TPRG1: variants seen among roughly 807,000 people sequenced by gnomAD.
TPRG1 encodes tumor protein p63 regulated 1.
Under a neutral mutation model 29.3 loss-of-function variants are expected in TPRG1, and 29 were observed. That is an observed-to-expected ratio of 0.99 (90% CI 0.74 to 1.35). TPRG1 has a LOEUF of 1.35. Ranked by LOEUF, TPRG1 falls within the 40% of genes most tolerant of loss-of-function variation. The pLI is 0.00. For missense variants in TPRG1, 327 were observed against 335.0 expected, an observed-to-expected ratio of 0.98 and a Z score of 0.19; for synonymous variants, 130 against 116.8, an observed-to-expected ratio of 1.11 and a Z score of -0.73.
intron 1 of TPRG1, among the ~76,000 whole-genome samples, chr3:189,185,809 T>G (rs930327838): frequency 6.6e-6 from 1 of 152,192 alleles, no homozygotes; most frequent in Non-Finnish European, 1.5e-5. Context: ...CTAACATTTT[T>G]CTTTGCTTAT....
intron 3 of TPRG1, among the ~76,000 whole-genome samples, chr3:189,234,979 C>A (rs1739230061): frequency 6.6e-6 from 1 of 152,040 alleles, no homozygotes; most frequent in Non-Finnish European, 1.5e-5. Context: ...ACATTGCCAG[C>A]AGAGGGAACA....
rs1379230535 is a variant in TPRG1, at chr3:189,321,676, A to C, written c.*856A>C. 1.3e-5 allele frequency: 2 copies of C among 152,082 alleles called. No homozygotes were observed. Among genetic ancestry groups the C allele is most frequent in the African/African-American group, 4.8e-5 (2 of 41,426 alleles). 9.4% of individuals were successfully genotyped at this position (152,082 alleles called of 1,614,324 possible). On this transcript the variant is annotated 3_prime_UTR_variant, in exon 6 of 6. Transcript: ENST00000345063. Reference sequence around the variant, plus strand: ...GGCTGACTGTTTCAATCTATCCTACACTTGGTTTCTAGCTCATTTACTTAT... The same window carrying C: ...GGCTGACTGTTTCAATCTATCCTACCCTTGGTTTCTAGCTCATTTACTTAT...
intron 3 of TPRG1, among the ~76,000 whole-genome samples, chr3:189,134,164 G>A (rs1723438244): frequency 6.6e-6 from 1 of 152,106 alleles, no homozygotes; most frequent in African/African-American, 2.4e-5. Flanking sequence ...CTTATCTGGT[G>A]GCTCTGTCCC....
intron 4 of TPRG1, 178 bp from the exon 5 acceptor site, chr3:189,310,208 A>G: frequency 2.3e-6 from 1 of 439,564 alleles, no homozygotes; most frequent in Non-Finnish European, 3.9e-6. Flanking sequence ...ATTCCTCCAA[A>G]CACCTTGAAT....
At chr3:189,170,978 T>C (rs1192872775), upstream of TPRG1, among the ~76,000 whole-genome samples, 1 of 152,256 alleles carries the variant, frequency 6.6e-6, no homozygotes, top group Non-Finnish European at 1.5e-5. Flanking sequence ...GTAGAGAATT[T>C]AGGATAGAAG....
chr3:189,067,258 A>G (rs1160303650), intron 4 of TPRG1, among the ~76,000 whole-genome samples: 1 of 152,164 alleles, frequency 6.6e-6, no homozygotes, highest in African/African-American at 2.4e-5. Flanking sequence ...AAAGCAATCT[A>G]TAGATTCAGT....
intron 4 of TPRG1, among the ~76,000 whole-genome samples, chr3:189,038,199 T>C (rs1406917927): frequency 6.6e-6 from 1 of 151,766 alleles, no homozygotes; most frequent in Non-Finnish European, 1.5e-5. Flanking sequence ...AGTAAAACAA[T>C]GGGATAAAGA....
intron 3 of TPRG1, among the ~76,000 whole-genome samples, chr3:189,136,923 T>C (rs1435377321): frequency 6.6e-6 from 1 of 152,172 alleles, no homozygotes; most frequent in African/African-American, 2.4e-5. Context: ...TACTGAGGGC[T>C]ACAACATACC....
At chr3:189,296,453 G>A (rs1433395758) in intron 4 of TPRG1, among the ~76,000 whole-genome samples, 2 of 152,078 alleles carry the variant, frequency 1.3e-5, no homozygotes, top group Non-Finnish European at 2.9e-5. Context: ...ATTATATAAG[G>A]ATATATATAC....
At chr3:189,015,703 C>A (rs944254661) in intron 3 of TPRG1, among the ~76,000 whole-genome samples, 1 of 152,174 alleles carries the variant, frequency 6.6e-6, no homozygotes, top group African/African-American at 2.4e-5. Context: ...CTAAAAGGGG[C>A]CAGGATACAG....
intron 4 of TPRG1, among the ~76,000 whole-genome samples, chr3:189,069,791 A>G (rs754862842): frequency 6.6e-6 from 1 of 152,204 alleles, no homozygotes; most frequent in Non-Finnish European, 1.5e-5. Flanking sequence ...CATACATACT[A>G]TGGAATACTA....
At chr3:189,145,447 AGT>A (rs1467364543) in intron 3 of TPRG1, among the ~76,000 whole-genome samples, 2 of 152,038 alleles carry the variant, frequency 1.3e-5, no homozygotes, top group Admixed American at 6.6e-5. Flanking sequence ...AAGGAGAAAG[AGT>A]TCTGGCATTG....
intron 4 of TPRG1, among the ~76,000 whole-genome samples, chr3:189,073,514 T>G (rs1482991409): frequency 6.6e-6 from 1 of 152,208 alleles, no homozygotes; most frequent in Non-Finnish European, 1.5e-5. Flanking sequence ...TTTTTCCCAT[T>G]TAGTGTGCTT....
intron 5 of TPRG1, among the ~76,000 whole-genome samples, chr3:189,317,696 T>C (rs1453912540): frequency 1.3e-5 from 2 of 152,196 alleles, no homozygotes; most frequent in Non-Finnish European, 2.9e-5. Flanking sequence ...AGGGTGATTT[T>C]TCCCATGGGG....
chr3:189,084,505 GA>G (rs1403709524), intron 4 of TPRG1, among the ~76,000 whole-genome samples: 1 of 152,200 alleles, frequency 6.6e-6, no homozygotes, highest in Non-Finnish European at 1.5e-5. Flanking sequence ...AAGAAACTGA[GA>G]AAGTCCAAGG....
intron 4 of TPRG1, among the ~76,000 whole-genome samples, chr3:189,262,061 AT>A (rs1713159122): frequency 6.6e-6 from 1 of 152,148 alleles, no homozygotes; most frequent in South Asian, 2.1e-4. Flanking sequence ...TGGTGACAAT[AT>A]AAGAGATAGT....
In TPRG1 at chr3:189,200,402, T is replaced by G. The variant is rs143103378; in HGVS notation, c.-9-6974T>G. Among the ~76,000 whole-genome samples, 199 of 152,342 alleles carry G rather than the reference T, an allele frequency of 1.3e-3. 2 individuals carry two copies. The highest frequency in any genetic ancestry group is 2.3e-3 in the Non-Finnish European group (155 of 68,036). ...TCTCACGGAGAGACTCACGGAAGCC[T>G]GCACACATAAATTCACATAAATTAC... is the stretch of plus-strand genomic sequence containing the variant. On this transcript the variant is annotated intron_variant, in intron 1 of 5. Coordinates refer to ENST00000345063, the MANE Select transcript of TPRG1 (RefSeq NM_198485.4).
At position 189,312,103 on chromosome 3, in the gene TPRG1, T is replaced by TC. The variant is rs1560688768; in HGVS notation, c.633+1564_633+1565insC. ...TATGTTTCTTTCTTTCTTTGTTTCT[T>TC]TGTTTCTTTCTTTGTTTCTTTCTTT... On this transcript the variant is annotated intron_variant, in intron 5 of 5. Transcript: ENST00000345063. 1.8e-3 allele frequency among the ~76,000 whole-genome samples: 124 copies of TC among 69,454 alleles called. 3 individuals carry two copies. The highest frequency in any genetic ancestry group is 8.1e-3 in the Middle Eastern group (1 of 124). 45.6% of individuals were successfully genotyped at this position (69,454 alleles called of 152,430 possible). A position where few individuals can be genotyped will look rare whatever the true frequency, so the allele number is the denominator to read the frequency against.
rs1169310165 is a variant in TPRG1, at chr3:189,322,958, A to C, written c.*2138A>C. 6.6e-6 allele frequency: 1 copy of C among 152,174 alleles called. No individual in the cohort carries two copies. Among genetic ancestry groups the C allele is most frequent in the African/African-American group, 2.4e-5 (1 of 41,452 alleles). The allele number at this position is 152,174 out of a possible 1,614,324, so 9.4% of individuals were successfully genotyped here. On this transcript the variant is annotated 3_prime_UTR_variant, in exon 6 of 6. Transcript: ENST00000345063. ...TTTATGAATTCCCTTCACATTTTGT[A>C]AAAACTGTCATATATAGGCTATCCC...
Sources: gnomAD v4.1 joint callset for allele counts (sites outside exome capture counted in the v4.1 genomes callset) on GRCh38, gnomAD v4.1.1 for gene constraint, MANE v1.5 for transcripts, NCBI Gene and HGNC (gene_info 2026-07-23, HGNC 2026-07-21) for gene names.